Variants in SORCS2 observed in about 807,000 individuals in gnomAD.
SORCS2 encodes the protein VPS10 domain-containing receptor SorCS2.
A neutral mutation model predicts 141.6 loss-of-function variants in SORCS2; 100 were observed. That is an observed-to-expected ratio of 0.71 (90% CI 0.60 to 0.83). The LOEUF (loss-of-function observed/expected upper bound fraction) is 0.83. Among genes scored for constraint, SORCS2 ranks in the 40% least tolerant of loss-of-function variants. The probability of loss-of-function intolerance (pLI) is 0.00; values close to 1 mark genes in which losing one functional copy is unlikely to be tolerated. For missense variants in SORCS2, 1,646 were observed against 1,560.2 expected (o/e 1.05, Z -0.93); for synonymous variants, 789 against 676.9 (o/e 1.17, Z -2.57).
chr4:7,344,339 T>C (rs980750251), intron 1 of SORCS2, among the ~76,000 whole-genome samples: 4 of 152,166 alleles, frequency 2.6e-5, no homozygotes, highest in Non-Finnish European at 2.9e-5. Flanking sequence ...CCGGGGCTAG[T>C]TTATCCCATG....
At chr4:7,328,895 C>A (rs1445560476) in intron 1 of SORCS2, among the ~76,000 whole-genome samples, 1 of 152,194 alleles carries the variant, frequency 6.6e-6, no homozygotes, top group Non-Finnish European at 1.5e-5. Flanking sequence ...TTGCCGGCAC[C>A]CTTGGCAGTT....
intron 14 of SORCS2, among the ~76,000 whole-genome samples, chr4:7,711,605 C>T (rs796807324): frequency 2.0e-5 from 3 of 152,290 alleles, no homozygotes; most frequent in South Asian, 2.1e-4. Flanking sequence ...GAGTGGAAGG[C>T]ACTCAGGCAG....
intron 1 of SORCS2, among the ~76,000 whole-genome samples, chr4:7,231,015 T>G (rs1331515356): frequency 6.6e-6 from 1 of 152,178 alleles, no homozygotes; most frequent in Non-Finnish European, 1.5e-5. Context: ...CATATCCATA[T>G]CCATATCCAT....
chr4:7,583,349 C>G (rs1470152031), intron 3 of SORCS2, among the ~76,000 whole-genome samples: 5 of 152,026 alleles, frequency 3.3e-5, no homozygotes, highest in Admixed American at 3.3e-4. Context: ...GTATTCCAAC[C>G]CCCCTACACT....
chr4:7,714,958 C>T (rs1726093222), intron 16 of SORCS2, among the ~76,000 whole-genome samples: 1 of 152,148 alleles, frequency 6.6e-6, no homozygotes, highest in Non-Finnish European at 1.5e-5. Flanking sequence ...TCCAGGCAGC[C>T]CTCCAGGTTT....
At chr4:7,614,256 A>G (rs1447681319) in intron 3 of SORCS2, among the ~76,000 whole-genome samples, 5 of 148,466 alleles carry the variant, frequency 3.4e-5, no homozygotes, top group Admixed American at 1.3e-4. Context: ...CCGTCCACCC[A>G]TCCACTCATC....
At chr4:7,446,827 G>A (rs74634655) in intron 2 of SORCS2, among the ~76,000 whole-genome samples, 1,721 of 152,346 alleles carry the variant, frequency 0.011, 31 homozygotes, top group African/African-American at 0.039. Context: ...TAGGACCTGT[G>A]TCCTTCCTGG....
At chr4:7,594,314 GC>G (rs1174037859) in intron 3 of SORCS2, among the ~76,000 whole-genome samples, 1 of 152,230 alleles carries the variant, frequency 6.6e-6, no homozygotes, top group Non-Finnish European at 1.5e-5. Context: ...CACAGTGTCT[GC>G]AAGTGGCCTG....
At chr4:7,362,455 G>T (rs191812137) in intron 1 of SORCS2, among the ~76,000 whole-genome samples, 1 of 152,128 alleles carries the variant, frequency 6.6e-6, no homozygotes, top group South Asian at 2.1e-4. Context: ...GCTGTATTTG[G>T]TTTTTCAAGA....
intron 1 of SORCS2, among the ~76,000 whole-genome samples, chr4:7,214,450 C>G (rs965157449): frequency 3.9e-5 from 6 of 152,206 alleles, no homozygotes; most frequent in African/African-American, 1.4e-4. Context: ...TTCCCAGCCT[C>G]CAGAACCAAA....
intron 2 of SORCS2, among the ~76,000 whole-genome samples, chr4:7,474,772 G>T (rs986392564): frequency 2.0e-5 from 3 of 152,332 alleles, no homozygotes; most frequent in Non-Finnish European, 4.4e-5. Flanking sequence ...ACGACTGCCA[G>T]CTGGGAGCTT....
chr4:7,478,611 G>T (rs1182866862), intron 2 of SORCS2, among the ~76,000 whole-genome samples: 1 of 152,152 alleles, frequency 6.6e-6, no homozygotes, highest in Non-Finnish European at 1.5e-5. Flanking sequence ...CCCAATGATT[G>T]AGCCATGTGG....
chr4:7,306,217 C>T (rs1030266429), intron 1 of SORCS2, among the ~76,000 whole-genome samples: 2 of 152,180 alleles, frequency 1.3e-5, no homozygotes, highest in South Asian at 2.1e-4. Context: ...CACCTAAGCC[C>T]GGGCTCCCCT....
intron 4 of SORCS2, among the ~76,000 whole-genome samples, chr4:7,649,916 C>T (rs779766053): frequency 2.0e-5 from 3 of 152,088 alleles, no homozygotes; most frequent in South Asian, 2.1e-4. Context: ...AAGAAGCACG[C>T]GGCACAGAAG....
intron 4 of SORCS2, among the ~76,000 whole-genome samples, chr4:7,645,363 G>A (rs746012177): frequency 1.6e-4 from 24 of 152,334 alleles, no homozygotes; most frequent in Non-Finnish European, 2.2e-4. Flanking sequence ...AGGGAGTGCT[G>A]TGTGACCTTG....
At chr4:7,514,945 C>T (rs557907625) in intron 2 of SORCS2, among the ~76,000 whole-genome samples, 1 of 152,284 alleles carries the variant, frequency 6.6e-6, no homozygotes, top group African/African-American at 2.4e-5. Flanking sequence ...TGTCCAAGGG[C>T]TCAGAGGTCA....
chr4:7,689,609 G>GTGGC, intron 11 of SORCS2, 21 bp downstream of exon 11: 1 of 1,558,286 alleles, frequency 6.4e-7, no homozygotes, highest in Non-Finnish European at 8.7e-7. Flanking sequence ...TCCATCACAG[G>GTGGC]TGGCTGGCAG....
At chr4:7,433,986 C>A (rs1437178702) in intron 2 of SORCS2, 1 of 1,613,668 alleles carries the variant, frequency 6.2e-7, no homozygotes, top group Non-Finnish European at 8.5e-7. Flanking sequence ...GCACCACGTT[C>A]ATGCACACCT....
chr4:7,668,949 C>A (rs1376921863), intron 8 of SORCS2, among the ~76,000 whole-genome samples: 1 of 152,148 alleles, frequency 6.6e-6, no homozygotes, highest in Non-Finnish European at 1.5e-5. Context: ...GCTGGGCCAG[C>A]AGTCAGCCTG....
Sources: gnomAD v4.1 joint callset for allele counts (sites outside exome capture counted in the v4.1 genomes callset) on GRCh38, gnomAD v4.1.1 for gene constraint, MANE v1.5 for transcripts, NCBI Gene and HGNC (gene_info 2026-07-23, HGNC 2026-07-21) for gene names.